SLC3A1: variants seen among roughly 807,000 people sequenced by gnomAD.
The protein encoded by SLC3A1 is amino acid transporter heavy chain SLC3A1.
In SLC3A1, 78 loss-of-function variants were observed where a neutral mutation model predicts 60.3. The observed-to-expected ratio is 1.29, with a 90% CI of 1.08 to 1.56. The LOEUF is 1.56. Ranked by LOEUF, SLC3A1 falls within the 40% of genes most tolerant of loss-of-function variation. The probability of loss-of-function intolerance (pLI) is 0.00; values close to 1 mark genes in which losing one functional copy is unlikely to be tolerated. For missense variants in SLC3A1, 1,172 were observed against 858.9 expected, an observed-to-expected ratio of 1.36 and a Z score of -4.56; for synonymous variants, 392 against 307.9, an observed-to-expected ratio of 1.27 and a Z score of -2.86.
chr2:44,321,386 G>C lies in SLC3A1; in HGVS notation c.*747G>C. 6.2e-7 allele frequency: 1 copy of C among 1,612,042 alleles called. No individual in the cohort carries two copies. Among genetic ancestry groups the C allele is most frequent in the Non-Finnish European group, 8.5e-7 (1 of 1,178,530 alleles). On this transcript the variant is annotated 3_prime_UTR_variant, in exon 10 of 10. Transcript: ENST00000260649. Reference sequence around the variant, plus strand: ...ATTTCAGGTATTTCTTAAGATCCTCGAAAACACTGGTGCTGTCAAGTCCAA... The same window carrying C: ...ATTTCAGGTATTTCTTAAGATCCTCCAAAACACTGGTGCTGTCAAGTCCAA...
chr2:44,299,060 CAG>C (rs1671932513), intron 4 of SLC3A1, among the ~76,000 whole-genome samples: 1 of 112,514 alleles, frequency 8.9e-6, no homozygotes, highest in Non-Finnish European at 1.8e-5. Context: ...TTTTAAAAGA[CAG>C]AGTTTTGCTC....
At position 44,275,721 on chromosome 2, in the gene SLC3A1, C is replaced by T; in HGVS notation, c.186C>T (p.Val62=). 3 of 1,614,208 alleles carry T rather than the reference C, an allele frequency of 1.9e-6. No individual in the cohort carries two copies. The highest frequency in any genetic ancestry group is 2.5e-6 in the Non-Finnish European group (3 of 1,180,010). ...CCCAGGAGCCCGACTTCAAGGGCGT[C>T]CAGCCCTATGCGGGGATGCCCAAGG... ...LGSQEPDFKG[V]QPYAGMPKEV... is the part of the protein sequence containing the mutation. The change falls in exon 1 of 10, where the codon GTC becomes GTT. Residue 62 remains valine, a synonymous_variant. Coordinates refer to ENST00000260649, the MANE Select transcript of SLC3A1 (RefSeq NM_000341.4).
At chr2:44,292,133 C>G (rs1413984175) in intron 4 of SLC3A1, among the ~76,000 whole-genome samples, 1 of 152,132 alleles carries the variant, frequency 6.6e-6, no homozygotes, top group Non-Finnish European at 1.5e-5. Context: ...AAGGAAGAGA[C>G]TCCAGATGGC....
At chr2:44,276,636 G>A (rs539462422) in intron 1 of SLC3A1, among the ~76,000 whole-genome samples, 3 of 151,918 alleles carry the variant, frequency 2.0e-5, no homozygotes, top group African/African-American at 7.3e-5. Context: ...TGAGGTGGGA[G>A]GATCGCTTGA....
At chr2:44,290,510 A>T (rs780011347) in intron 4 of SLC3A1, among the ~76,000 whole-genome samples, 9 of 152,086 alleles carry the variant, frequency 5.9e-5, no homozygotes, top group Non-Finnish European at 8.8e-5. Context: ...TCTGTGGTTC[A>T]CTCTGGGGAA....
Position 44,301,024 on chromosome 2 carries a change from G to T in SLC3A1, c.1033G>T (p.Glu345Ter), listed in dbSNP as rs1007436483. Residue 345 changes from glutamate (E) to a stop codon, truncating the protein, a stop_gained, in exon 6 of 10, where the codon GAG (glutamate) becomes TAG (stop). Transcript: ENST00000260649. LOFTEE classifies it high-confidence loss of function. ...QIPDTVTQYS[E>*]LYHDFTTTQV... The stretch of plus-strand genomic sequence containing the variant: ...AAAGGACACGGTCACACAATACTCG[G>T]AGCTGTACCATGACTTCACCACCAC... 6.2e-7 allele frequency: 1 copy of T among 1,614,152 alleles called. No individual in the cohort carries two copies. Among genetic ancestry groups the T allele is most frequent in the Non-Finnish European group, 8.5e-7 (1 of 1,180,032 alleles).
rs187962930 is a variant in SLC3A1, at chr2:44,312,587, T to C, written c.1334T>C (p.Ile445Thr). The C allele has an allele frequency of 6.8e-5, 109 of 1,613,872 alleles. No homozygotes were observed. The East Asian group carries it at 2.3e-3, about 34-fold the overall frequency. ...TTCTTAAAAATATCTGCCTTTCAGATTGGTGGACCAGACAGTTCACGGCTG... is the reference window on the plus strand; with the variant it reads ...TTCTTAAAAATATCTGCCTTTCAGACTGGTGGACCAGACAGTTCACGGCTG... Reference protein sequence around the residue: ...MPEGKWPNWMIGGPDSSRLTS... With the variant: ...MPEGKWPNWMTGGPDSSRLTS... Residue 445 changes from isoleucine to threonine, a missense_variant and splice_region_variant, in exon 8 of 10, where the codon ATT becomes ACT. Transcript: ENST00000260649.
intron 4 of SLC3A1, among the ~76,000 whole-genome samples, chr2:44,295,510 A>G (rs1440705775): frequency 1.3e-5 from 2 of 152,202 alleles, no homozygotes; most frequent in Non-Finnish European, 2.9e-5. Context: ...CATGAAGCAA[A>G]TATTTTTCAA....
At chr2:44,285,444 A>G (rs963189231) in intron 3 of SLC3A1, 3 of 316,134 alleles carry the variant, frequency 9.5e-6, no homozygotes, top group Non-Finnish European at 1.9e-5. Context: ...GGCAGCCGGG[A>G]GAGTCATACC....
chr2:44,318,345 C>A lies in SLC3A1; in HGVS notation c.1618-1854C>A, dbSNP rs546558178. On this transcript the variant is annotated intron_variant, in intron 9 of 9. Coordinates refer to ENST00000260649, the MANE Select transcript of SLC3A1 (RefSeq NM_000341.4). Reference sequence around the variant, plus strand: ...GACCTCTGGTGATCTGTCTGCCTTGCCTCCCAAAGTGCTAGGATTACGGGC... The same window carrying A: ...GACCTCTGGTGATCTGTCTGCCTTGACTCCCAAAGTGCTAGGATTACGGGC... 2.7e-3 allele frequency: 516 copies of A among 192,412 alleles called. 1 individual carries two copies. Among genetic ancestry groups the A allele is most frequent in the African/African-American group, 0.012 (484 of 41,874 alleles). The allele number at this position is 192,412 out of a possible 1,614,324, so 11.9% of individuals were successfully genotyped here.
intron 4 of SLC3A1, 145 bp from the exon 5 acceptor site, chr2:44,299,826 A>G (rs1046993041): frequency 2.3e-6 from 2 of 851,794 alleles, no homozygotes; most frequent in Non-Finnish European, 3.8e-6. Context: ...TGCTAAATAG[A>G]TAAAAATAGA....
chr2:44,286,182 T>C, intron 4 of SLC3A1, 25 bp downstream of exon 4: 2 of 1,610,518 alleles, frequency 1.2e-6, no homozygotes, highest in Non-Finnish European at 1.7e-6. Context: ...CCACACAGAC[T>C]TCTCCATTAA....
At chr2:44,307,005 T>G (rs750765984) in intron 7 of SLC3A1, among the ~76,000 whole-genome samples, 2 of 152,156 alleles carry the variant, frequency 1.3e-5, no homozygotes, top group African/African-American at 4.8e-5. Context: ...GCATGGCCCC[T>G]CCCTCTCTGT....
At chr2:44,299,928 A>G in intron 4 of SLC3A1, 43 bp from the exon 5 acceptor site, 1 of 1,608,386 alleles carries the variant, frequency 6.2e-7, no homozygotes, top group African/African-American at 1.3e-5. Flanking sequence ...TTGTGATAAT[A>G]ACGTAGTTAA....
chr2:44,301,528 C>T (rs1672007773), intron 6 of SLC3A1: 1 of 341,262 alleles, frequency 2.9e-6, no homozygotes, highest in South Asian at 2.7e-5. Flanking sequence ...ATCACGAGGT[C>T]AGGAGTTTGA....
At chr2:44,297,928 G>A (rs959430676) in intron 4 of SLC3A1, among the ~76,000 whole-genome samples, 4 of 152,098 alleles carry the variant, frequency 2.6e-5, no homozygotes, top group South Asian at 2.1e-4. Flanking sequence ...CATCCATGTC[G>A]TAGCATGTGT....
At chr2:44,284,683 C>T (rs938979435) in intron 3 of SLC3A1, among the ~76,000 whole-genome samples, 4 of 152,108 alleles carry the variant, frequency 2.6e-5, no homozygotes, top group African/African-American at 9.7e-5. Context: ...GCCACCTCAG[C>T]CTCCTTAGTA....
intron 7 of SLC3A1, among the ~76,000 whole-genome samples, chr2:44,305,003 G>A (rs1476033581): frequency 4.6e-5 from 7 of 151,430 alleles, no homozygotes; most frequent in Admixed American, 3.9e-4. Context: ...TTTTGTTTTT[G>A]TATTTTTAGT....
At chr2:44,307,677 G>A (rs1672191876) in intron 7 of SLC3A1, among the ~76,000 whole-genome samples, 1 of 149,428 alleles carries the variant, frequency 6.7e-6, no homozygotes, top group South Asian at 2.1e-4. Context: ...CAGATTCTTT[G>A]CCTATAATTA....
Sources: gnomAD v4.1 joint callset for allele counts (sites outside exome capture counted in the v4.1 genomes callset) on GRCh38, gnomAD v4.1.1 for gene constraint, MANE v1.5 for transcripts, NCBI Gene and HGNC (gene_info 2026-07-23, HGNC 2026-07-21) for gene names.